Variants in KHDRBS2 observed in about 807,000 individuals in gnomAD.
KHDRBS2 encodes the protein KH domain-containing, RNA-binding, signal transduction-associated protein 2.
A neutral mutation model predicts 44.3 loss-of-function variants in KHDRBS2; 26 were observed. The ratio of observed to expected loss-of-function variants is 0.59; its 90% CI spans 0.43 to 0.81. KHDRBS2 has a LOEUF of 0.81. Among genes scored for constraint, KHDRBS2 ranks in the 40% least tolerant of loss-of-function variants. KHDRBS2 has a pLI of 0.00. For missense variants in KHDRBS2, 476 were observed against 433.1 expected (o/e 1.10, Z -0.88); for synonymous variants, 194 against 151.1 (o/e 1.28, Z -2.08).
chr6:61,804,425 T>G (rs1025979252), intron 6 of KHDRBS2, among the ~76,000 whole-genome samples: 1 of 152,204 alleles, frequency 6.6e-6, no homozygotes, highest in African/African-American at 2.4e-5. Context: ...AGGCACATGA[T>G]GCAAGCTATT....
At chr6:61,760,350 G>A (rs749225151) in intron 6 of KHDRBS2, among the ~76,000 whole-genome samples, 2 of 152,098 alleles carry the variant, frequency 1.3e-5, no homozygotes, top group Non-Finnish European at 2.9e-5. Flanking sequence ...AGCCATTACT[G>A]GGCTGGATGC....
chr6:62,277,491 G>A (rs1405481349), intron 1 of KHDRBS2, among the ~76,000 whole-genome samples: 2 of 151,960 alleles, frequency 1.3e-5, no homozygotes, highest in African/African-American at 2.4e-5. Flanking sequence ...ACAGGCGCCC[G>A]CCACCACGCC....
At chr6:61,547,117 G>A in the KHDRBS2 span, among the ~76,000 whole-genome samples, 1 of 150,496 alleles carries the variant, frequency 6.6e-6, no homozygotes, top group South Asian at 2.1e-4. Flanking sequence ...AGTACCCAGA[G>A]AAAATCTACA....
At chr6:61,940,145 A>G (rs1238672371) in intron 4 of KHDRBS2, among the ~76,000 whole-genome samples, 1 of 152,148 alleles carries the variant, frequency 6.6e-6, no homozygotes, top group Non-Finnish European at 1.5e-5. Context: ...ACTACTAATT[A>G]AAATATATTT....
intron 2 of KHDRBS2, among the ~76,000 whole-genome samples, chr6:62,058,888 A>C (rs1170860754): frequency 6.6e-6 from 1 of 151,872 alleles, no homozygotes; most frequent in East Asian, 1.9e-4. Context: ...ATATTACCAC[A>C]AATATAATTT....
At chr6:62,046,862 G>A (rs574052029) in intron 3 of KHDRBS2, among the ~76,000 whole-genome samples, 47 of 151,908 alleles carry the variant, frequency 3.1e-4, no homozygotes, top group African/African-American at 6.7e-4. Flanking sequence ...AAATCATTCC[G>A]TCTGTGACTT....
chr6:62,240,672 GTATATATATATATATATATATATA>G (rs4036655), intron 1 of KHDRBS2, among the ~76,000 whole-genome samples: 28 of 64,154 alleles, frequency 4.4e-4, no homozygotes, highest in South Asian at 7.0e-4. Flanking sequence ...ATGTGTGTGT[GTATATATATATATATATATATATA>G]TATATATATA....
chr6:62,132,560 C>A (rs1445730181), intron 2 of KHDRBS2, among the ~76,000 whole-genome samples: 1 of 152,166 alleles, frequency 6.6e-6, no homozygotes, highest in Non-Finnish European at 1.5e-5. Context: ...CTGCAAGCAG[C>A]TACCATGGTT....
At chr6:61,653,349 G>GA in the KHDRBS2 span, among the ~76,000 whole-genome samples, 2 of 152,022 alleles carry the variant, frequency 1.3e-5, no homozygotes, top group Admixed American at 1.3e-4. Context: ...GGCATCTTCT[G>GA]AAATAACAAG....
chr6:61,562,462 T>C, the KHDRBS2 span, among the ~76,000 whole-genome samples: 1 of 152,222 alleles, frequency 6.6e-6, no homozygotes, highest in African/African-American at 2.4e-5. Context: ...ATTCTCCCTG[T>C]TGAAAAGAAG....
chr6:61,668,854 A>C, the KHDRBS2 span, among the ~76,000 whole-genome samples: 2 of 151,034 alleles, frequency 1.3e-5, no homozygotes, highest in East Asian at 3.9e-4. Flanking sequence ...ATTGGAAAAG[A>C]GATAAATGGA....
intron 2 of KHDRBS2, among the ~76,000 whole-genome samples, chr6:62,094,972 A>G (rs966997261): frequency 7.2e-5 from 11 of 151,968 alleles, no homozygotes; most frequent in East Asian, 1.9e-4. Context: ...GCATTGTAGT[A>G]CGTTTCACAA....
intron 2 of KHDRBS2, among the ~76,000 whole-genome samples, chr6:62,070,335 CTTT>C (rs35219578): frequency 2.7e-5 from 4 of 148,606 alleles, no homozygotes; most frequent in African/African-American, 9.9e-5. Context: ...GTGTTCACTT[CTTT>C]TTTTTTTTCT....
the KHDRBS2 span, among the ~76,000 whole-genome samples, chr6:61,582,736 A>G: frequency 4.0e-5 from 6 of 151,608 alleles, no homozygotes; most frequent in Admixed American, 3.3e-4. Flanking sequence ...ACAGAGATAA[A>G]TTTAAAGCTT....
At chr6:62,247,295 C>A (rs150707378) in intron 1 of KHDRBS2, among the ~76,000 whole-genome samples, 1 of 151,766 alleles carries the variant, frequency 6.6e-6, no homozygotes, top group Non-Finnish European at 1.5e-5. Context: ...ATAGTGTAAG[C>A]ATATATTCTT....
the KHDRBS2 span, among the ~76,000 whole-genome samples, chr6:61,617,932 C>T: frequency 6.6e-6 from 1 of 151,902 alleles, no homozygotes; most frequent in Non-Finnish European, 1.5e-5. Flanking sequence ...CCTTTTTTCC[C>T]TAAATTGCTA....
chr6:61,548,076 A>C, the KHDRBS2 span, among the ~76,000 whole-genome samples: 1 of 152,182 alleles, frequency 6.6e-6, no homozygotes, highest in Non-Finnish European at 1.5e-5. Flanking sequence ...TTTCAAGGAG[A>C]CAAAAATCTA....
chr6:61,595,244 G>T, the KHDRBS2 span, among the ~76,000 whole-genome samples: 1 of 152,198 alleles, frequency 6.6e-6, no homozygotes, highest in Non-Finnish European at 1.5e-5. Flanking sequence ...AAGGAAATTA[G>T]TGTCTCAAAG....
chr6:61,653,312 A>G, the KHDRBS2 span, among the ~76,000 whole-genome samples: 12 of 152,056 alleles, frequency 7.9e-5, no homozygotes, highest in Admixed American at 7.9e-4. Context: ...CAAAGATAAA[A>G]CTTCTGTGGA....
Sources: gnomAD v4.1 joint callset for allele counts (sites outside exome capture counted in the v4.1 genomes callset) on GRCh38, gnomAD v4.1.1 for gene constraint, MANE v1.5 for transcripts, NCBI Gene and HGNC (gene_info 2026-07-23, HGNC 2026-07-21) for gene names.